ZNF875: variants seen among roughly 807,000 people sequenced by gnomAD.
The protein encoded by ZNF875 is HKR1, GLI-Kruppel zinc finger family member.
A neutral mutation model predicts 11.2 loss-of-function variants in ZNF875; 14 were observed. The ratio of observed to expected loss-of-function variants is 1.26; its 90% CI spans 0.83 to 1.96. The LOEUF is 1.96. Among genes scored for constraint, ZNF875 ranks in the 30% most tolerant of loss-of-function variants. ZNF875 has a pLI of 0.00. For missense variants in ZNF875, 752 were observed against 760.4 expected (o/e 0.99, Z 0.13); for synonymous variants, 301 against 281.1 (o/e 1.07, Z -0.71).
At chr19:37,341,086 G>T (rs2035624649) in intron 2 of ZNF875, among the ~76,000 whole-genome samples, 1 of 152,196 alleles carries the variant, frequency 6.6e-6, no homozygotes, top group Non-Finnish European at 1.5e-5. Flanking sequence ...AGAAATGGGA[G>T]GACTGAATCT....
At chr19:37,337,664 T>G (rs2034774742) in intron 2 of ZNF875, 1 of 151,714 alleles carries the variant, frequency 6.6e-6, no homozygotes, top group Non-Finnish European at 1.5e-5. Context: ...AGGCTGGTCT[T>G]GAACTCCTGA....
In ZNF875 at chr19:37,362,728, G is replaced by C. The variant is rs555011193; in HGVS notation, c.876G>C (p.Thr292=). The C allele has an allele frequency of 1.2e-5, 19 of 1,608,294 alleles. No homozygotes were observed. In the East Asian group the frequency reaches 3.4e-4, roughly 28 times the overall value. The change falls in exon 5 of 5, where the codon ACG becomes ACC. Residue 292 remains threonine (T), a synonymous_variant. Transcript: ENST00000392153. Reference sequence around the variant, plus strand: ...GCAGGGAATGTGGGCGAGGCTTTACGTGGAAGTCAAACCTGATCACACATC... The same window carrying C: ...GCAGGGAATGTGGGCGAGGCTTTACCTGGAAGTCAAACCTGATCACACATC... ...YVCRECGRGF[T]WKSNLITHQR...
At chr19:37,339,704 A>G (rs2035290783) in intron 2 of ZNF875, among the ~76,000 whole-genome samples, 1 of 151,724 alleles carries the variant, frequency 6.6e-6, no homozygotes, top group Non-Finnish European at 1.5e-5. Context: ...AGCTGGGATT[A>G]CAGGTGCCCG....
At chr19:37,331,091 A>T (rs1463568881), upstream of ZNF875, among the ~76,000 whole-genome samples, 2 of 150,648 alleles carry the variant, frequency 1.3e-5, no homozygotes. Flanking sequence ...GGAGGCTGAG[A>T]CAGGAGAATG....
upstream of ZNF875, among the ~76,000 whole-genome samples, chr19:37,333,958 A>G (rs929042948): frequency 1.3e-5 from 2 of 151,720 alleles, no homozygotes; most frequent in Non-Finnish European, 2.9e-5. Flanking sequence ...CCGCACCTGT[A>G]CCCCAGCCTC....
intron 4 of ZNF875, among the ~76,000 whole-genome samples, chr19:37,351,551 A>G (rs1267774140): frequency 6.6e-6 from 1 of 152,196 alleles, no homozygotes; most frequent in African/African-American, 2.4e-5. Context: ...ATACAATCAC[A>G]TATATATCTG....
intron 2 of ZNF875, chr19:37,346,660 G>C: frequency 6.3e-6 from 1 of 157,912 alleles, no homozygotes; most frequent in Non-Finnish European, 1.4e-5. Flanking sequence ...ACGCCCTCTA[G>C]GTAAGGGCTT....
intron 4 of ZNF875, among the ~76,000 whole-genome samples, chr19:37,351,909 A>G (rs1016321457): frequency 2.0e-5 from 3 of 152,228 alleles, no homozygotes; most frequent in African/African-American, 4.8e-5. Context: ...GTACTATCCT[A>G]TAAATGTCAG....
upstream of ZNF875, chr19:37,315,737 GT>G (rs971955215): frequency 6.6e-6 from 1 of 151,974 alleles, no homozygotes; most frequent in African/African-American, 2.4e-5. Flanking sequence ...AAAGTTACAA[GT>G]TTTTTTCTAG....
At chr19:37,338,304 G>A (rs776659768) in intron 2 of ZNF875, among the ~76,000 whole-genome samples, 1 of 152,090 alleles carries the variant, frequency 6.6e-6, no homozygotes, top group Non-Finnish European at 1.5e-5. Context: ...TATGTTTTTA[G>A]TAGAGATGGG....
chr19:37,352,766 T>A (rs2038142482), intron 4 of ZNF875, among the ~76,000 whole-genome samples: 1 of 152,120 alleles, frequency 6.6e-6, no homozygotes, highest in South Asian at 2.1e-4. Flanking sequence ...TTATTTCTAC[T>A]TTTGCCAGAT....
chr19:37,318,656 G>C (rs1434014870), intron 1 of ZNF875, among the ~76,000 whole-genome samples: 3 of 151,744 alleles, frequency 2.0e-5, no homozygotes, highest in Non-Finnish European at 2.9e-5. Context: ...CGAGTAGCTG[G>C]GACTACAGGC....
chr19:37,354,153 C>A, intron 4 of ZNF875, among the ~76,000 whole-genome samples: 1 of 150,674 alleles, frequency 6.6e-6, no homozygotes, highest in East Asian at 2.0e-4. Context: ...ATTCACTAAT[C>A]TTTCTTCTTT....
upstream of ZNF875, among the ~76,000 whole-genome samples, chr19:37,329,668 C>A (rs1274690238): frequency 1.3e-5 from 2 of 152,186 alleles, no homozygotes; most frequent in African/African-American, 4.8e-5. Flanking sequence ...ATTGTACCTA[C>A]TTCTACCTGA....
intron 4 of ZNF875, among the ~76,000 whole-genome samples, chr19:37,352,699 C>T (rs1172916674): frequency 1.3e-5 from 2 of 151,866 alleles, no homozygotes; most frequent in Non-Finnish European, 2.9e-5. Flanking sequence ...CCAATCTCTA[C>T]GTTTTGTTGG....
At position 37,363,178 on chromosome 19, in the gene ZNF875, GAC is replaced by G; in HGVS notation, c.1331_1332del (p.His444LeufsTer4). ...AATCAAACCTCAAAACACACCAGAG[GAC>G]ACACTCAGGGGTTAAACCTTATGTC... ...WKSNLKTHQR[T>X]HSGVKPYVCL... On this transcript the variant is annotated frameshift_variant, in exon 5 of 5. Coordinates refer to ENST00000392153, the MANE Select transcript of ZNF875 (RefSeq NM_001353803.2). LOFTEE classifies it low-confidence loss of function (END_TRUNC). 2.5e-6 allele frequency: 4 copies of G among 1,614,118 alleles called. No homozygotes were observed. Among genetic ancestry groups the G allele is most frequent in the Non-Finnish European group, 3.4e-6 (4 of 1,180,016 alleles).
chr19:37,331,546 A>G, upstream of ZNF875, among the ~76,000 whole-genome samples: 1 of 149,870 alleles, frequency 6.7e-6, no homozygotes, highest in Non-Finnish European at 1.5e-5. Context: ...TCTCTGAAAC[A>G]TGTGCTGTGT....
At position 37,363,425 on chromosome 19, in the gene ZNF875, C is replaced by G; in HGVS notation, c.1573C>G (p.Gln525Glu). The change falls in exon 5 of 5, where the codon CAG (glutamine) becomes GAG (glutamate). Residue 525 changes from glutamine to glutamate, a missense_variant. Coordinates refer to ENST00000392153, the MANE Select transcript of ZNF875 (RefSeq NM_001353803.2). Reference sequence around the variant, plus strand: ...TGATAAGTCCACCCTCATTTCACACCAGAGGACACATTCAGGGGAAAAGCC... The same window carrying G: ...TGATAAGTCCACCCTCATTTCACACGAGAGGACACATTCAGGGGAAAAGCC... ...FNDKSTLISH[Q>E]RTHSGEKPFM... 6.2e-7 allele frequency: 1 copy of G among 1,613,876 alleles called. No homozygotes were observed. Among genetic ancestry groups the G allele is most frequent in the Non-Finnish European group, 8.5e-7 (1 of 1,179,852 alleles).
At chr19:37,319,266 G>A (rs1172226752) in intron 1 of ZNF875, among the ~76,000 whole-genome samples, 1 of 148,194 alleles carries the variant, frequency 6.7e-6, no homozygotes, top group Non-Finnish European at 1.5e-5. Context: ...AGCTGGTTTC[G>A]AACTCCCGAG....
Sources: allele counts gnomAD v4.1 joint callset (sites outside exome capture counted in the v4.1 genomes callset), GRCh38; gene constraint gnomAD v4.1.1; transcripts MANE v1.5; gene names NCBI Gene and HGNC (gene_info 2026-07-23, HGNC 2026-07-21).